The following GALNTL6 variants were observed in gnomAD, a reference collection of about 807,000 sequenced individuals.
GALNTL6 encodes polypeptide N-acetylgalactosaminyltransferase-like 6.
Under a neutral mutation model 73.7 loss-of-function variants are expected in GALNTL6, and 46 were observed. The observed-to-expected ratio is 0.62, with a 90% CI of 0.49 to 0.80. The LOEUF (loss-of-function observed/expected upper bound fraction) is 0.80. GALNTL6 is among the 30% of genes least tolerant of loss of function. The pLI is 0.00. For synonymous variants in GALNTL6, 259 were observed against 263.7 expected (o/e 0.98, Z 0.17); for missense variants, 604 against 755.0 (o/e 0.80, Z 2.34).
At chr4:172,545,660 G>A (rs1370823687) in intron 5 of GALNTL6, 1 of 152,136 alleles carries the variant, frequency 6.6e-6, no homozygotes, top group Admixed American at 6.5e-5. Context: ...TTAAACACTT[G>A]GGAAGCAGGA....
intron 2 of GALNTL6, among the ~76,000 whole-genome samples, chr4:172,041,072 G>A (rs1004047152): frequency 2.0e-5 from 3 of 152,010 alleles, no homozygotes; most frequent in Non-Finnish European, 4.4e-5. Flanking sequence ...GAAAATTGAA[G>A]CCTAATGTCT....
intron 5 of GALNTL6, among the ~76,000 whole-genome samples, chr4:172,609,621 CTCTCTGTGTGTGTGTGTGTG>C (rs1738442119): frequency 1.8e-4 from 5 of 27,490 alleles, no homozygotes; most frequent in African/African-American, 4.3e-4. Flanking sequence ...CTCTCTCTCT[CTCTCTGTGTGTGTGTGTGTG>C]TGTGTGTGTG....
intron 5 of GALNTL6, among the ~76,000 whole-genome samples, chr4:172,572,243 TG>T (rs1736789936): frequency 6.6e-6 from 1 of 152,158 alleles, no homozygotes; most frequent in Admixed American, 6.6e-5. Context: ...TTCCCCATAC[TG>T]CCTTCCAAGT....
chr4:172,287,257 C>T (rs1054295990), intron 3 of GALNTL6, among the ~76,000 whole-genome samples: 33 of 152,152 alleles, frequency 2.2e-4, no homozygotes, highest in African/African-American at 7.5e-4. Context: ...AATAAGCTGA[C>T]AATCCAACAC....
At chr4:172,200,963 T>C (rs1271725292) in intron 2 of GALNTL6, among the ~76,000 whole-genome samples, 1 of 152,176 alleles carries the variant, frequency 6.6e-6, no homozygotes, top group Non-Finnish European at 1.5e-5. Flanking sequence ...TTAACAAAAT[T>C]TACCAATGGA....
At chr4:172,776,189 G>T (rs1217645439) in intron 5 of GALNTL6, among the ~76,000 whole-genome samples, 1 of 152,184 alleles carries the variant, frequency 6.6e-6, no homozygotes, top group African/African-American at 2.4e-5. Context: ...GCAATGAAAC[G>T]CTAATGTAAG....
At chr4:173,027,793 G>GA (rs1415162382) in intron 12 of GALNTL6, among the ~76,000 whole-genome samples, 1 of 152,118 alleles carries the variant, frequency 6.6e-6, no homozygotes, top group Non-Finnish European at 1.5e-5. Flanking sequence ...AGGGTATTTA[G>GA]AAAATCCAAA....
chr4:172,411,961 A>T (rs1174048936), intron 5 of GALNTL6, among the ~76,000 whole-genome samples: 1 of 151,924 alleles, frequency 6.6e-6, no homozygotes, highest in Non-Finnish European at 1.5e-5. Flanking sequence ...ACATGGTGAT[A>T]CTCTTAAGAA....
chr4:171,928,234 A>G (rs1171353530), intron 2 of GALNTL6, among the ~76,000 whole-genome samples: 2 of 152,224 alleles, frequency 1.3e-5, no homozygotes, highest in Non-Finnish European at 2.9e-5. Flanking sequence ...AATTTTATTT[A>G]TTAACTCATG....
rs1399382616 is a variant in GALNTL6 at position 172,511,058 on chromosome 4, G to T, written c.553+162369G>T. Among the ~76,000 whole-genome samples, 2 of 55,242 alleles carry T rather than the reference G, an allele frequency of 3.6e-5. 1 individual carries two copies. Among genetic ancestry groups the T allele is most frequent in the Non-Finnish European group, 8.4e-5 (2 of 23,828 alleles). 36.2% of individuals were successfully genotyped at this position (55,242 alleles called of 152,430 possible). The stretch of plus-strand genomic sequence containing the variant: ...TTTGAATGTCTAATATAATTCAGCT[G>T]TGAATCCAGCTGGTCCTGAACTTTT... On this transcript the variant is annotated intron_variant, in intron 5 of 12. Coordinates refer to ENST00000506823, the MANE Select transcript of GALNTL6 (RefSeq NM_001034845.3).
At chr4:172,198,614 C>T (rs1735855027) in intron 2 of GALNTL6, among the ~76,000 whole-genome samples, 1 of 152,104 alleles carries the variant, frequency 6.6e-6, no homozygotes, top group Non-Finnish European at 1.5e-5. Context: ...TAAACATATA[C>T]TTTATCACTT....
intron 2 of GALNTL6, among the ~76,000 whole-genome samples, chr4:171,870,428 G>A (rs1023873376): frequency 2.0e-5 from 3 of 152,170 alleles, no homozygotes; most frequent in Non-Finnish European, 4.4e-5. Flanking sequence ...ATTTATTTAC[G>A]TAGGACAAAC....
chr4:172,056,403 T>C (rs758569890), intron 2 of GALNTL6, among the ~76,000 whole-genome samples: 4 of 152,254 alleles, frequency 2.6e-5, no homozygotes, highest in Admixed American at 1.3e-4. Flanking sequence ...CTGTTAACAT[T>C]CTTTTTTGCT....
At chr4:172,025,762 T>C (rs1741551757) in intron 2 of GALNTL6, among the ~76,000 whole-genome samples, 1 of 151,958 alleles carries the variant, frequency 6.6e-6, no homozygotes, top group Non-Finnish European at 1.5e-5. Context: ...ATCACGACAG[T>C]ACTAACCCTA....
chr4:171,906,905 C>A (rs537886949), intron 2 of GALNTL6, among the ~76,000 whole-genome samples: 8 of 152,176 alleles, frequency 5.3e-5, no homozygotes, highest in Non-Finnish European at 1.2e-4. Flanking sequence ...ACATGATTAC[C>A]TCAATAGATG....
chr4:172,354,438 G>T (rs1170565569), intron 5 of GALNTL6, among the ~76,000 whole-genome samples: 1 of 152,048 alleles, frequency 6.6e-6, no homozygotes, highest in African/African-American at 2.4e-5. Flanking sequence ...TGTATATCGT[G>T]TTGCATAAAA....
At chr4:172,642,504 TTA>T (rs1221731569) in intron 5 of GALNTL6, among the ~76,000 whole-genome samples, 10 of 151,872 alleles carry the variant, frequency 6.6e-5, no homozygotes, top group African/African-American at 2.2e-4. Flanking sequence ...ATGATCTCAC[TTA>T]TGTGGAATCT....
At position 172,672,990 on chromosome 4, in the gene GALNTL6, C is replaced by G. The variant is rs55865394; in HGVS notation, c.554-136371C>G. 7.7e-3 allele frequency among the ~76,000 whole-genome samples: 1,165 copies of G among 152,030 alleles called. 12 individuals carry two copies. Among genetic ancestry groups the G allele is most frequent in the African/African-American group, 0.023 (959 of 41,482 alleles). Reference sequence around the variant, plus strand: ...AAAATGAGCTTCTGGATTAATTGATCTTTTGAATGGTTTTTTGTGCCCCAA... The same window carrying G: ...AAAATGAGCTTCTGGATTAATTGATGTTTTGAATGGTTTTTTGTGCCCCAA... On this transcript the variant is annotated intron_variant, in intron 5 of 12. Transcript: ENST00000506823.
At chr4:172,039,133 T>C (rs909966308) in intron 2 of GALNTL6, among the ~76,000 whole-genome samples, 3 of 152,224 alleles carry the variant, frequency 2.0e-5, no homozygotes, top group Non-Finnish European at 2.9e-5. Flanking sequence ...TTTTGCATAA[T>C]ATCATTGATA....
Sources: gnomAD v4.1 joint callset for allele counts (sites outside exome capture counted in the v4.1 genomes callset) on GRCh38, gnomAD v4.1.1 for gene constraint, MANE v1.5 for transcripts, NCBI Gene and HGNC (gene_info 2026-07-23, HGNC 2026-07-21) for gene names.